Variants in ZNF551 observed in about 807,000 individuals in gnomAD.
ZNF551 encodes the protein zinc finger protein 551.
ZNF551 carries 5 observed loss-of-function variants against 7.9 expected under a neutral mutation model. The observed-to-expected ratio is 0.63, with a 90% CI of 0.33 to 1.33. The LOEUF (loss-of-function observed/expected upper bound fraction) is 1.33. Among genes scored for constraint, ZNF551 ranks in the 40% most tolerant of loss-of-function variants. ZNF551 has a pLI of 0.05. For synonymous variants in ZNF551, 287 were observed against 277.3 expected, an observed-to-expected ratio of 1.03 and a Z score of -0.35; for missense variants, 788 against 825.2, an observed-to-expected ratio of 0.95 and a Z score of 0.55.
Position 57,687,507 on chromosome 19 carries a change from G to T in ZNF551, c.1232G>T (p.Arg411Ile). Reference sequence around the variant, plus strand: ...ATCTTCAATCTCATTCGACATAGAAGAGTTCACACTGGAGAAATGCCTTAT... The same window carrying T: ...ATCTTCAATCTCATTCGACATAGAATAGTTCACACTGGAGAAATGCCTTAT... Reference protein sequence around the residue: ...RQIFNLIRHRRVHTGEMPYQC... With the variant: ...RQIFNLIRHRIVHTGEMPYQC... Residue 411 changes from arginine (R) to isoleucine (I), a missense_variant, in exon 3 of 3, where the codon AGA becomes ATA. By Grantham distance (97) the Arg-to-Ile change is moderately conservative (BLOSUM62 -3). Transcript: ENST00000282296. The T allele has an allele frequency of 6.2e-7, 1 of 1,614,040 alleles. No individual in the cohort carries two copies. The highest frequency in any genetic ancestry group is 1.1e-5 in the South Asian group (1 of 91,080).
rs1010087890 is a variant in ZNF551 at position 57,688,217 on chromosome 19, T to A, written c.1942T>A (p.Cys648Ser). 2 of 1,614,272 alleles carry A rather than the reference T, an allele frequency of 1.2e-6. No homozygotes were observed. Among genetic ancestry groups the A allele is most frequent in the Non-Finnish European group, 1.7e-6 (2 of 1,180,050 alleles). ...AGAAAGGCCTTATGAATGCAGTGAA[T>A]GTGGGAAATCCTTTAGCCGCAAATC... ...TGERPYECSECGKSFSRKSNL... is the reference protein window; with the variant it reads ...TGERPYECSESGKSFSRKSNL... Residue 648 changes from cysteine (C) to serine (S), a missense_variant, in exon 3 of 3, where the codon TGT (cysteine) becomes AGT (serine). By Grantham distance (112) the Cys-to-Ser change is moderately radical. Coordinates refer to ENST00000282296, the MANE Select transcript of ZNF551 (RefSeq NM_138347.5).
At chr19:57,682,744 C>T (rs1984430055) in intron 1 of ZNF551, among the ~76,000 whole-genome samples, 1 of 151,940 alleles carries the variant, frequency 6.6e-6, no homozygotes, top group Non-Finnish European at 1.5e-5. Context: ...GATAGTGCAG[C>T]CAGCCCAGGC....
rs1984734986 is a variant in ZNF551 at position 57,690,597 on chromosome 19, ATTAT to A, written c.*2314_*2317del. 6.6e-6 allele frequency: 1 copy of A among 152,276 alleles called. No individual in the cohort carries two copies. Among genetic ancestry groups the A allele is most frequent in the African/African-American group, 2.4e-5 (1 of 41,554 alleles). 9.4% of individuals were successfully genotyped at this position (152,276 alleles called of 1,614,324 possible). A position where few individuals can be genotyped will look rare whatever the true frequency, so the allele number is the denominator to read the frequency against. ...TATCCATGTGTTTAGGGACATTTAT[ATTAT>A]TTATAGATTTTTGTATATTACAAAT... On this transcript the variant is annotated 3_prime_UTR_variant, in exon 3 of 3. Coordinates refer to ENST00000282296, the MANE Select transcript of ZNF551 (RefSeq NM_138347.5).
rs3746208 is a variant in ZNF551 at position 57,688,731 on chromosome 19, T to C, written c.*443T>C. ...GTGCTGTCAGCTTTCTAAGGATTAC[T>C]TTTTTAAGGAACATTGTCGGTCTCA... On this transcript the variant is annotated 3_prime_UTR_variant, in exon 3 of 3. Coordinates refer to ENST00000282296, the MANE Select transcript of ZNF551 (RefSeq NM_138347.5). 0.54 allele frequency: 88,440 copies of C among 163,416 alleles called. 24,304 individuals carry two copies. Among genetic ancestry groups the C allele is most frequent in the Middle Eastern group, 0.61 (196 of 320 alleles). The allele number at this position is 163,416 out of a possible 1,614,324, so 10.1% of individuals were successfully genotyped here. A position where few individuals can be genotyped will look rare whatever the true frequency, so the allele number is the denominator to read the frequency against.
In ZNF551 at chr19:57,687,626, G is replaced by T. The variant is rs1267060499; in HGVS notation, c.1351G>T (p.Glu451Ter). Residue 451 changes from glutamate to a stop codon, truncating the protein, a stop_gained, in exon 3 of 3, where the codon GAA becomes TAA. Transcript: ENST00000282296. LOFTEE classifies it low-confidence loss of function (END_TRUNC). ...TGGAGAAAGACCTTATGAATGCAGA[G>T]AATGTGGGAAATCCTTTAGACAATT... is the stretch of plus-strand genomic sequence containing the variant. ...HSGERPYECR[E>*]CGKSFRQFSN... is the part of the protein sequence containing the mutation. 6.2e-7 allele frequency: 1 copy of T among 1,614,220 alleles called. No homozygotes were observed. The highest frequency in any genetic ancestry group is 8.5e-7 in the Non-Finnish European group (1 of 1,180,042).
intron 1 of ZNF551, 68 bp downstream of exon 1, chr19:57,682,312 G>A (rs1600015299): frequency 5.4e-6 from 8 of 1,491,980 alleles, no homozygotes; most frequent in African/African-American, 1.4e-5. Flanking sequence ...AGTGAGGGAT[G>A]CCTGCTCACA....
rs1397938857 is a variant in ZNF551, at chr19:57,688,617, T to C, written c.*329T>C. ...CTCTCCCATTTGCTTGGGGAAATTA[T>C]TAATAGCCCAAGCATGTAGGGTCTT... On this transcript the variant is annotated 3_prime_UTR_variant, in exon 3 of 3. Transcript: ENST00000282296. 6.8e-6 allele frequency: 2 copies of C among 294,464 alleles called. No homozygotes were observed. Among genetic ancestry groups the C allele is most frequent in the African/African-American group, 2.1e-5 (1 of 47,868 alleles). 18.2% of individuals were successfully genotyped at this position (294,464 alleles called of 1,614,324 possible). A position where few individuals can be genotyped will look rare whatever the true frequency, so the allele number is the denominator to read the frequency against.
chr19:57,688,176 A>T lies in ZNF551; in HGVS notation c.1901A>T (p.Gln634Leu). 6.2e-7 allele frequency: 1 copy of T among 1,614,100 alleles called. No individual in the cohort carries two copies. Among genetic ancestry groups the T allele is most frequent in the Non-Finnish European group, 8.5e-7 (1 of 1,180,006 alleles). The part of the protein sequence containing the change: ...FTHKSDLIQH[Q>L]RVHTGERPYE... ...CACAAATCAGACCTTATTCAGCACCAAAGAGTTCACACTGGAGAAAGGCCT... is the reference window on the plus strand; with the variant it reads ...CACAAATCAGACCTTATTCAGCACCTAAGAGTTCACACTGGAGAAAGGCCT... Residue 634 changes from glutamine to leucine, a missense_variant, in exon 3 of 3, where the codon CAA becomes CTA. By Grantham distance (113) the Gln-to-Leu change is moderately radical. Coordinates refer to ENST00000282296, the MANE Select transcript of ZNF551 (RefSeq NM_138347.5).
rs963662148 is a variant in ZNF551, at chr19:57,682,042, T to G, written c.-122T>G. On this transcript the variant is annotated 5_prime_UTR_variant, in exon 1 of 3. Coordinates refer to ENST00000282296, the MANE Select transcript of ZNF551 (RefSeq NM_138347.5). ...CTGTCCTGTTTGTCCAGCCCGCCAG[T>G]TTCTGCAGTGGAGGTCGCGACTGAG... 1 of 1,056,850 alleles carries G rather than the reference T, an allele frequency of 9.5e-7. No homozygotes were observed. Among genetic ancestry groups the G allele is most frequent in the African/African-American group, 1.6e-5 (1 of 63,266 alleles). 65.5% of individuals were successfully genotyped at this position (1,056,850 alleles called of 1,614,324 possible).
In ZNF551 at chr19:57,689,756, A is replaced by C. The variant is rs1461864997; in HGVS notation, c.*1468A>C. On this transcript the variant is annotated 3_prime_UTR_variant, in exon 3 of 3. Transcript: ENST00000282296. ...GGAAGTTGCAGTGAGCTGAGATTGC[A>C]CCACTGCACTCCAGCCCAGGCAACA... 1 of 152,202 alleles carries C rather than the reference A, an allele frequency of 6.6e-6. No individual in the cohort carries two copies. The highest frequency in any genetic ancestry group is 2.4e-5 in the African/African-American group (1 of 41,318). The allele number at this position is 152,202 out of a possible 1,614,324, so 9.4% of individuals were successfully genotyped here.
chr19:57,688,079 C>G lies in ZNF551; in HGVS notation c.1804C>G (p.Leu602Val). The G allele has an allele frequency of 6.2e-7, 1 of 1,614,182 alleles. No individual in the cohort carries two copies. ...GAAATCCTTTAGCCAGAGCTCTAGC[C>G]TCATTCAACACCAGAGAGGTCACAC... ...CGKSFSQSSS[L>V]IQHQRGHTGE... Residue 602 changes from leucine (L) to valine (V), a missense_variant, in exon 3 of 3, where the codon CTC becomes GTC. By Grantham distance (32) the Leu-to-Val change is conservative. Coordinates refer to ENST00000282296, the MANE Select transcript of ZNF551 (RefSeq NM_138347.5).
Position 57,688,299 on chromosome 19 carries a change from A to G in ZNF551, c.*11A>G. 6.2e-7 allele frequency: 1 copy of G among 1,611,272 alleles called. No homozygotes were observed. Among genetic ancestry groups the G allele is most frequent in the Non-Finnish European group, 8.5e-7 (1 of 1,177,986 alleles). Reference sequence around the variant, plus strand: ...GAAGAAAGGCCTTAAATGTGAAGGGAATGTGCTATTTCTTTATTCAGTATA... The same window carrying G: ...GAAGAAAGGCCTTAAATGTGAAGGGGATGTGCTATTTCTTTATTCAGTATA... On this transcript the variant is annotated 3_prime_UTR_variant, in exon 3 of 3. Transcript: ENST00000282296.
rs1984606737 is a variant in ZNF551, at chr19:57,687,459, AGT to A, written c.1188_1189del (p.Cys396TrpfsTer5). 1 of 1,614,168 alleles carries A rather than the reference AGT, an allele frequency of 6.2e-7. No individual in the cohort carries two copies. The highest frequency in any genetic ancestry group is 8.5e-7 in the Non-Finnish European group (1 of 1,180,002). ...GGAGAAAGGCCTTATCAGTGCTGTG[AGT>A]GTGGGAAATCCTTTAGACAAATCTT... On this transcript the variant is annotated frameshift_variant, in exon 3 of 3. Coordinates refer to ENST00000282296, the MANE Select transcript of ZNF551 (RefSeq NM_138347.5). LOFTEE classifies it low-confidence loss of function (END_TRUNC).
rs142529073 is a variant in ZNF551, at chr19:57,687,209, C to T, written c.934C>T (p.Arg312Cys). Residue 312 changes from arginine to cysteine, a missense_variant, in exon 3 of 3, where the codon CGT becomes TGT. Physicochemically the swap from Arg to Cys is radical, Grantham distance 180. Transcript: ENST00000282296. ...TGERPYECSDREKAFIHKSEF... is the reference protein window; with the variant it reads ...TGERPYECSDCEKAFIHKSEF... ...AGAAAGGCCTTATGAATGCAGTGATCGTGAGAAAGCCTTTATCCATAAATC... is the reference window on the plus strand; with the variant it reads ...AGAAAGGCCTTATGAATGCAGTGATTGTGAGAAAGCCTTTATCCATAAATC... 7.7e-5 allele frequency: 125 copies of T among 1,612,984 alleles called. No individual in the cohort carries two copies. The highest frequency in any genetic ancestry group is 5.0e-4 in the Middle Eastern group (3 of 6,058).
rs2122339744 is a variant in ZNF551, at chr19:57,687,460, G to A, written c.1185G>A (p.Glu395=). 1 of 1,613,892 alleles carries A rather than the reference G, an allele frequency of 6.2e-7. No individual in the cohort carries two copies. The highest frequency in any genetic ancestry group is 8.5e-7 in the Non-Finnish European group (1 of 1,179,932). ...HSGERPYQCC[E]CGKSFRQIFN... ...GAGAAAGGCCTTATCAGTGCTGTGA[G>A]TGTGGGAAATCCTTTAGACAAATCT... The change falls in exon 3 of 3, where the codon GAG becomes GAA. Residue 395 remains glutamate, a synonymous_variant. Coordinates refer to ENST00000282296, the MANE Select transcript of ZNF551 (RefSeq NM_138347.5).
intron 1 of ZNF551, 42 bp from the exon 2 acceptor site, chr19:57,685,220 C>G (rs1984516943): frequency 6.2e-7 from 1 of 1,607,298 alleles, no homozygotes; most frequent in African/African-American, 1.3e-5. Context: ...GGATAATGAA[C>G]TCCGGGTCTG....
rs760269251 is a variant in ZNF551 at position 57,686,995 on chromosome 19, G to C, written c.720G>C (p.Gln240His). The C allele has an allele frequency of 8.7e-6, 14 of 1,614,100 alleles. No individual in the cohort carries two copies. Among genetic ancestry groups the C allele is most frequent in the Middle Eastern group, 1.6e-4 (1 of 6,084 alleles). ...KASSHKHTLV[Q>H]HQSVCSEGGL... ...CAAGCCACAAACACACACTTGTTCA[G>C]CATCAGAGTGTCTGTTCTGAAGGAG... is the stretch of plus-strand genomic sequence containing the variant. Residue 240 changes from glutamine (Q) to histidine (H), a missense_variant, in exon 3 of 3, where the codon CAG (glutamine) becomes CAC (histidine). Transcript: ENST00000282296.
rs747917808 is a variant in ZNF551 at position 57,682,244 on chromosome 19, G to T, written c.81G>T (p.Gln27His). ...MAAVALRDSA[Q>H]GMTFEDVAIY... ...CAGTCGCGCTGAGGGACTCGGCTCA[G>T]GTGAGTTGTGCGTCCTCCGGGTCTC... The change falls in exon 1 of 3, where the codon CAG becomes CAT. Residue 27 changes from glutamine (Q) to histidine (H), a missense_variant and splice_region_variant. Gln to His is a conservative substitution (Grantham distance 24). Coordinates refer to ENST00000282296, the MANE Select transcript of ZNF551 (RefSeq NM_138347.5). The T allele has an allele frequency of 7.7e-6, 12 of 1,550,304 alleles. No individual in the cohort carries two copies. The Middle Eastern group carries it at 1.3e-3, about 173-fold the overall frequency.
In ZNF551 at chr19:57,685,270, C is replaced by G; in HGVS notation, c.90C>G (p.Thr30=). The part of the protein sequence containing the change: ...VALRDSAQGM[T]FEDVAIYFSQ... The stretch of plus-strand genomic sequence containing the variant: ...TATTCCTGCTGTGACAGGGTATGAC[C>G]TTTGAGGATGTGGCCATTTATTTCT... The change falls in exon 2 of 3, where the codon ACC becomes ACG. Residue 30 remains threonine (T), a synonymous_variant. Transcript: ENST00000282296. 6.2e-7 allele frequency: 1 copy of G among 1,613,992 alleles called. No individual in the cohort carries two copies. The highest frequency in any genetic ancestry group is 2.2e-5 in the East Asian group (1 of 44,876).
Sources: allele counts gnomAD v4.1 joint callset (sites outside exome capture counted in the v4.1 genomes callset), GRCh38; gene constraint gnomAD v4.1.1; transcripts MANE v1.5; gene names NCBI Gene and HGNC (gene_info 2026-07-23, HGNC 2026-07-21).